The following STRAP variants were observed in gnomAD, a reference collection of about 807,000 sequenced individuals.
STRAP encodes serine/threonine kinase receptor associated protein.
STRAP carries 16 observed loss-of-function variants against 47.0 expected under a neutral mutation model. The observed-to-expected ratio is 0.34, with a 90% CI of 0.23 to 0.52. The LOEUF is 0.52. STRAP is among the 20% of genes least tolerant of loss of function. The pLI, the probability that STRAP is intolerant of heterozygous loss-of-function variation, is 0.96. For missense variants in STRAP, 293 were observed against 420.0 expected (o/e 0.70, Z 2.64); for synonymous variants, 130 against 142.7 (o/e 0.91, Z 0.63).
At chr12:15,898,834 C>A (rs1195754024) in intron 7 of STRAP, among the ~76,000 whole-genome samples, 1 of 152,112 alleles carries the variant, frequency 6.6e-6, no homozygotes, top group African/African-American at 2.4e-5. Context: ...TACCAAAGAA[C>A]GAAGCTTGCT....
rs1234499938 is a variant in STRAP at position 15,890,532 on chromosome 12, G to A, written c.331-65G>A. On this transcript the variant is annotated intron_variant, in intron 3 of 9. Coordinates refer to ENST00000419869, the MANE Select transcript of STRAP (RefSeq NM_007178.4). This position sits in a 1 kb window ranked among gnomAD's most constrained non-coding sequence, Gnocchi z 4.5. Reference sequence around the variant, plus strand: ...CTAGATTTTGATTTTATTTGGTGTTGAAATTTGAAAGAGAAATAACTATTA... The same window carrying A: ...CTAGATTTTGATTTTATTTGGTGTTAAAATTTGAAAGAGAAATAACTATTA... The A allele has an allele frequency of 1.5e-6, 2 of 1,352,662 alleles. No individual in the cohort carries two copies. The highest frequency in any genetic ancestry group is 1.9e-5 in the Admixed American group (1 of 51,334). The allele number at this position is 1,352,662 out of a possible 1,614,324, so 83.8% of individuals were successfully genotyped here.
In STRAP at chr12:15,901,017, A is replaced by G. The variant is rs1160161072; in HGVS notation, c.991+5A>G. 6 of 1,581,632 alleles carry G rather than the reference A, an allele frequency of 3.8e-6. No individual in the cohort carries two copies. Among genetic ancestry groups the G allele is most frequent in the Non-Finnish European group, 5.2e-6 (6 of 1,164,744 alleles). Reference sequence around the variant, plus strand: ...AGACAACAGAAGAGGAGCTAGGTAAATGCTATGGAATTGACTTTTGTAAGA... The same window carrying G: ...AGACAACAGAAGAGGAGCTAGGTAAGTGCTATGGAATTGACTTTTGTAAGA... On this transcript the variant is annotated splice_donor_5th_base_variant and intron_variant, in intron 9 of 9. Transcript: ENST00000419869.
Position 15,893,723 on chromosome 12 carries a change from A to G in STRAP, c.404-324A>G, listed in dbSNP as rs996242424. Among the ~76,000 whole-genome samples the G allele has an allele frequency of 6.0e-5, 9 of 149,650 alleles. No homozygotes were observed. In the Admixed American group the frequency reaches 6.0e-4, roughly 10 times the overall value. ...ATTATACATATAATAAATATAAAAT[A>G]CTTTTTATTTATTATACAATAATGC... On this transcript the variant is annotated intron_variant, in intron 4 of 9. Transcript: ENST00000419869.
Position 15,900,927 on chromosome 12 carries a change from C to G in STRAP, c.926-20C>G, listed in dbSNP as rs1419891811. 1 of 1,570,660 alleles carries G rather than the reference C, an allele frequency of 6.4e-7. No homozygotes were observed. The highest frequency in any genetic ancestry group is 1.9e-5 in the Admixed American group (1 of 52,298). On this transcript the variant is annotated intron_variant, in intron 8 of 9. Coordinates refer to ENST00000419869, the MANE Select transcript of STRAP (RefSeq NM_007178.4). ...TTAATAGTGTAAGTCATATAATCGT[C>G]ATTGCTTTTCTTTTTACAGAAGAAG...
At position 15,894,811 on chromosome 12, in the gene STRAP, C is replaced by T. The variant is rs921395304; in HGVS notation, c.501-548C>T. Among the ~76,000 whole-genome samples the T allele has an allele frequency of 6.6e-6, 1 of 152,030 alleles. No individual in the cohort carries two copies. Among genetic ancestry groups the T allele is most frequent in the Non-Finnish European group, 1.5e-5 (1 of 68,012 alleles). ...TTTGAAATCCAACTTTTTTCTGGTC[C>T]CAAGTATTTTCAATTAAGGGATGCT... On this transcript the variant is annotated intron_variant, in intron 5 of 9. Transcript: ENST00000419869. The surrounding 1 kb of genome is among the most constrained non-coding windows in gnomAD (Gnocchi z 4.9).
In STRAP at chr12:15,890,510, G is replaced by T. The variant is rs1218822055; in HGVS notation, c.331-87G>T. The T allele has an allele frequency of 9.0e-7, 1 of 1,115,590 alleles. No individual in the cohort carries two copies. The highest frequency in any genetic ancestry group is 1.3e-6 in the Non-Finnish European group (1 of 744,254). The allele number at this position is 1,115,590 out of a possible 1,614,324, so 69.1% of individuals were successfully genotyped here. On this transcript the variant is annotated intron_variant, in intron 3 of 9. Coordinates refer to ENST00000419869, the MANE Select transcript of STRAP (RefSeq NM_007178.4). The surrounding 1 kb of genome is among the most constrained non-coding windows in gnomAD (Gnocchi z 4.5). ...ATCTCTTTGTGATGTCTGTGAGCTA[G>T]ATTTTGATTTTATTTGGTGTTGAAA... is the stretch of plus-strand genomic sequence containing the variant.
chr12:15,888,586 A>T (rs1015017471), intron 2 of STRAP, among the ~76,000 whole-genome samples: 1 of 152,134 alleles, frequency 6.6e-6, no homozygotes, highest in Non-Finnish European at 1.5e-5. Flanking sequence ...TTCATTAACC[A>T]CATTGCACAT....
intron 2 of STRAP, among the ~76,000 whole-genome samples, chr12:15,885,664 T>C (rs1441551333): frequency 6.6e-6 from 1 of 152,158 alleles, no homozygotes; most frequent in African/African-American, 2.4e-5. Flanking sequence ...GTTGTTTTTA[T>C]GCTTTCTTAA....
intron 1 of STRAP, 96 bp downstream of exon 1, chr12:15,882,915 G>A: frequency 7.2e-7 from 1 of 1,381,034 alleles, no homozygotes; most frequent in Non-Finnish European, 1.0e-6. Context: ...GGTGTGGTGA[G>A]GGGGGAGGGG....
In STRAP at chr12:15,896,052, G is replaced by A. The variant is rs984926578; in HGVS notation, c.638+556G>A. 2.6e-5 allele frequency among the ~76,000 whole-genome samples: 4 copies of A among 151,094 alleles called. No individual in the cohort carries two copies. The highest frequency in any genetic ancestry group is 6.6e-5 in the Admixed American group (1 of 15,130). On this transcript the variant is annotated intron_variant, in intron 6 of 9. Transcript: ENST00000419869. The surrounding 1 kb of genome is among the most constrained non-coding windows in gnomAD (Gnocchi z 4.1). ...AGCCTGGCCAACATGGTGAAACCCC[G>A]TCTCTAAAATAAAAATACAAAGAGA...
At chr12:15,901,898 C>T (rs1948106475) in intron 9 of STRAP, among the ~76,000 whole-genome samples, 3 of 149,442 alleles carry the variant, frequency 2.0e-5, no homozygotes, top group Admixed American at 2.0e-4. Flanking sequence ...TTGGCTGTTG[C>T]ACGTACAAAG....
In STRAP at chr12:15,895,346, C is replaced by T; in HGVS notation, c.501-13C>T. ...ACATGAGTAAACATCATATTTTTAT[C>T]TTTATTTTGCAGACTTTGGGATCAT... On this transcript the variant is annotated splice_polypyrimidine_tract_variant and intron_variant, in intron 5 of 9. Transcript: ENST00000419869. 1 of 1,518,410 alleles carries T rather than the reference C, an allele frequency of 6.6e-7. No homozygotes were observed. The highest frequency in any genetic ancestry group is 8.8e-7 in the Non-Finnish European group (1 of 1,138,772). The allele number at this position is 1,518,410 out of a possible 1,614,324, so 94.1% of individuals were successfully genotyped here. A position where few individuals can be genotyped will look rare whatever the true frequency, so the allele number is the denominator to read the frequency against.
Position 15,888,322 on chromosome 12 carries a change from G to A in STRAP, c.249-1606G>A, listed in dbSNP as rs77581522. Among the ~76,000 whole-genome samples, 1,494 of 152,258 alleles carry A rather than the reference G, an allele frequency of 9.8e-3. 25 individuals carry two copies. Among genetic ancestry groups the A allele is most frequent in the African/African-American group, 0.033 (1,391 of 41,552 alleles). ...AGTGGTTTATAATCTAGTGTTGCTA[G>A]ATTCAGAGAAACAATACAAAATGAG... On this transcript the variant is annotated intron_variant, in intron 2 of 9. Transcript: ENST00000419869.
chr12:15,889,808 C>T (rs1948000003), intron 2 of STRAP, 120 bp from the exon 3 acceptor site: 2 of 680,354 alleles, frequency 2.9e-6, no homozygotes, highest in African/African-American at 1.8e-5. Context: ...ATTTATAATA[C>T]ATTTATGTAA....
chr12:15,885,650 CAG>C (rs149027469), intron 2 of STRAP, among the ~76,000 whole-genome samples: 3,309 of 152,104 alleles, frequency 0.022, 119 homozygotes, highest in African/African-American at 0.076. Flanking sequence ...TTTATTGAAA[CAG>C]TGTTGTTTTT....
rs1250037455 is a variant in STRAP, at chr12:15,890,226, A to C, written c.330+217A>C. Among the ~76,000 whole-genome samples the C allele has an allele frequency of 6.6e-6, 1 of 152,246 alleles. No homozygotes were observed. The highest frequency in any genetic ancestry group is 1.5e-5 in the Non-Finnish European group (1 of 68,044). On this transcript the variant is annotated intron_variant, in intron 3 of 9. Transcript: ENST00000419869. This position sits in a 1 kb window ranked among gnomAD's most constrained non-coding sequence, Gnocchi z 4.5. ...TTTAAGATACTGTGGAACGAGTACCAGTCCTTCAACATGTAAAAAACATCT... is the reference window on the plus strand; with the variant it reads ...TTTAAGATACTGTGGAACGAGTACCCGTCCTTCAACATGTAAAAAACATCT...
chr12:15,890,450 A>G lies in STRAP; in HGVS notation c.331-147A>G, dbSNP rs1948005376. The G allele has an allele frequency of 1.4e-6, 1 of 697,286 alleles. No homozygotes were observed. The highest frequency in any genetic ancestry group is 2.5e-6 in the Non-Finnish European group (1 of 401,192). 43.2% of individuals were successfully genotyped at this position (697,286 alleles called of 1,614,324 possible). Reference sequence around the variant, plus strand: ...AGTTATGAGAGGTCAGCTGTTCCACAGTATCTTCTCAGAAGTAATTGGTTA... The same window carrying G: ...AGTTATGAGAGGTCAGCTGTTCCACGGTATCTTCTCAGAAGTAATTGGTTA... On this transcript the variant is annotated intron_variant, in intron 3 of 9. Transcript: ENST00000419869. The surrounding 1 kb of genome is among the most constrained non-coding windows in gnomAD (Gnocchi z 4.5).
At chr12:15,898,284 A>C (rs566273436) in intron 7 of STRAP, 2 of 202,318 alleles carry the variant, frequency 9.9e-6, no homozygotes, top group Non-Finnish European at 2.0e-5. Flanking sequence ...GTATTATGGT[A>C]CAGTGAGTTT....
intron 7 of STRAP, among the ~76,000 whole-genome samples, chr12:15,899,429 GAC>G (rs1392298926): frequency 6.6e-6 from 1 of 152,138 alleles, no homozygotes; most frequent in Non-Finnish European, 1.5e-5. Flanking sequence ...CTTTCTGTGT[GAC>G]AGAATAATTA....
Sources: gnomAD v4.1 joint callset for allele counts (sites outside exome capture counted in the v4.1 genomes callset) on GRCh38, gnomAD v4.1.1 for gene constraint, Gnocchi (gnomAD v3.1) non-coding constraint, MANE v1.5 for transcripts, NCBI Gene and HGNC (gene_info 2026-07-23, HGNC 2026-07-21) for gene names.